The following GRIK2 variants were observed in gnomAD, a reference collection of about 807,000 sequenced individuals.
GRIK2 encodes the protein glutamate ionotropic receptor kainate type subunit 2, also known as glutamate receptor ionotropic, kainate 2.
A neutral mutation model predicts 100.3 loss-of-function variants in GRIK2; 32 were observed. The ratio of observed to expected loss-of-function variants is 0.32; its 90% CI spans 0.24 to 0.43. The LOEUF (loss-of-function observed/expected upper bound fraction) is 0.43, where lower values mean the gene tolerates loss of function less well. GRIK2 is among the 20% of genes least tolerant of loss of function. The pLI, the probability that GRIK2 is intolerant of heterozygous loss-of-function variation, is 1.00. For missense variants in GRIK2, 843 were observed against 1,114.9 expected (o/e 0.76, Z 3.47); for synonymous variants, 417 against 389.4 (o/e 1.07, Z -0.83).
chr6:101,400,662 AC>A (rs1562110766), intron 2 of GRIK2, among the ~76,000 whole-genome samples: 1 of 152,144 alleles, frequency 6.6e-6, no homozygotes, highest in Non-Finnish European at 1.5e-5. Context: ...TTTCCATTTT[AC>A]CATGTGTGTG....
At chr6:101,909,380 T>TTTTTG (rs1337762923) in intron 12 of GRIK2, among the ~76,000 whole-genome samples, 4 of 132,582 alleles carry the variant, frequency 3.0e-5, no homozygotes, top group Non-Finnish European at 6.3e-5. Context: ...GGTTTTCTTT[T>TTTTTG]TCTTTTTTTT....
Position 102,068,514 on chromosome 6 carries a change from C to T in GRIK2, c.*3C>T. On this transcript the variant is annotated 3_prime_UTR_variant, in exon 17 of 17. Coordinates refer to ENST00000369134, the MANE Select transcript of GRIK2 (RefSeq NM_021956.5). The stretch of plus-strand genomic sequence containing the variant: ...CAGGTAAAGAAACCATGGCATAAAG[C>T]TGGGAGGCCAAACACCCAAGCACAA... 6.2e-7 allele frequency: 1 copy of T among 1,609,744 alleles called. No individual in the cohort carries two copies. Among genetic ancestry groups the T allele is most frequent in the East Asian group, 2.2e-5 (1 of 44,660 alleles).
chr6:101,692,472 T>C (rs1254691518), intron 7 of GRIK2, among the ~76,000 whole-genome samples: 1 of 152,132 alleles, frequency 6.6e-6, no homozygotes, highest in Non-Finnish European at 1.5e-5. Flanking sequence ...CTCTATTTCA[T>C]CAAATAACTA....
rs548673706 is a variant in GRIK2 at position 101,658,568 on chromosome 6, C to A, written c.542-18055C>A. Among the ~76,000 whole-genome samples, 5 of 142,390 alleles carry A rather than the reference C, an allele frequency of 3.5e-5. No homozygotes were observed. In the East Asian group the frequency reaches 1.0e-3, roughly 29 times the overall value. 93.4% of individuals were successfully genotyped at this position (142,390 alleles called of 152,430 possible). ...ATTTATAATCCTTTGGGTATATACTCAGTAGTGGGATTGCTGGATCAAATG... is the reference window on the plus strand; with the variant it reads ...ATTTATAATCCTTTGGGTATATACTAAGTAGTGGGATTGCTGGATCAAATG... On this transcript the variant is annotated intron_variant, in intron 4 of 16. Transcript: ENST00000369134.
At chr6:101,712,860 C>T (rs1387446106) in intron 7 of GRIK2, among the ~76,000 whole-genome samples, 1 of 151,772 alleles carries the variant, frequency 6.6e-6, no homozygotes, top group Non-Finnish European at 1.5e-5. Flanking sequence ...CACACAAAGG[C>T]ACAATCACAT....
rs144528416 is a variant in GRIK2 at position 101,454,982 on chromosome 6, A to C, written c.115+55590A>C. 2.7e-4 allele frequency among the ~76,000 whole-genome samples: 41 copies of C among 152,272 alleles called. No individual in the cohort carries two copies. In the East Asian group the frequency reaches 7.3e-3, roughly 27 times the overall value. On this transcript the variant is annotated intron_variant, in intron 2 of 16. Coordinates refer to ENST00000369134, the MANE Select transcript of GRIK2 (RefSeq NM_021956.5). ...TGTTGTTTCTTTAATGTTTTAAAAA[A>C]CATAATCCTGAATTTTACCAGCAGT...
At chr6:102,064,290 T>C (rs1229993207) in intron 16 of GRIK2, among the ~76,000 whole-genome samples, 1 of 149,312 alleles carries the variant, frequency 6.7e-6, no homozygotes, top group Admixed American at 6.7e-5. Context: ...CTCTTCTCCT[T>C]CTCCTCCTTC....
chr6:101,793,223 C>A (rs560096627), intron 7 of GRIK2, among the ~76,000 whole-genome samples: 75 of 152,318 alleles, frequency 4.9e-4, no homozygotes, highest in African/African-American at 1.7e-3. Flanking sequence ...ACGTCATTCT[C>A]CATCCAGCTT....
At chr6:101,800,674 A>G (rs1353231536) in intron 8 of GRIK2, among the ~76,000 whole-genome samples, 2 of 152,076 alleles carry the variant, frequency 1.3e-5, no homozygotes, top group Non-Finnish European at 2.9e-5. Flanking sequence ...ATTCTTATCA[A>G]ACTCTCAGGT....
intron 10 of GRIK2, among the ~76,000 whole-genome samples, chr6:101,839,195 A>G (rs527673423): frequency 3.9e-4 from 60 of 152,278 alleles, no homozygotes; most frequent in Non-Finnish European, 6.3e-4. Flanking sequence ...CTGAATTTGT[A>G]TCTTTGCTCA....
intron 2 of GRIK2, among the ~76,000 whole-genome samples, chr6:101,621,255 C>T (rs1212570865): frequency 1.3e-5 from 2 of 152,088 alleles, no homozygotes; most frequent in Non-Finnish European, 2.9e-5. Context: ...GAGTTTGAGA[C>T]TAGCCTGGGC....
At chr6:101,508,086 T>A (rs1448440698) in intron 2 of GRIK2, among the ~76,000 whole-genome samples, 1 of 119,038 alleles carries the variant, frequency 8.4e-6, no homozygotes, top group Non-Finnish European at 1.7e-5. Context: ...CCTTACTGAT[T>A]ATTATTATTT....
intron 2 of GRIK2, among the ~76,000 whole-genome samples, chr6:101,599,659 G>C (rs1779105109): frequency 6.6e-6 from 1 of 151,678 alleles, no homozygotes; most frequent in African/African-American, 2.4e-5. Flanking sequence ...CTAATGATCA[G>C]TGATATTGAG....
intron 7 of GRIK2, among the ~76,000 whole-genome samples, chr6:101,789,932 A>C (rs1391292194): frequency 1.3e-5 from 2 of 152,068 alleles, no homozygotes; most frequent in Admixed American, 1.3e-4. Context: ...GTCCCTTGTA[A>C]GTTGGATTCC....
chr6:101,426,060 G>T (rs1334560392), intron 2 of GRIK2, among the ~76,000 whole-genome samples: 1 of 152,118 alleles, frequency 6.6e-6, no homozygotes, highest in Non-Finnish European at 1.5e-5. Flanking sequence ...CTATTGAGAG[G>T]TGGCCATATT....
intron 11 of GRIK2, among the ~76,000 whole-genome samples, chr6:101,887,739 G>GAAGGGAGAAGTGCT (rs1430621891): frequency 6.6e-6 from 1 of 152,082 alleles, no homozygotes; most frequent in Non-Finnish European, 1.5e-5. Flanking sequence ...GGGGAAGGGG[G>GAAGGGAGAAGTGCT]AAGGGAGAAG....
At chr6:101,919,503 C>T (rs1194404125) in intron 12 of GRIK2, among the ~76,000 whole-genome samples, 2 of 151,670 alleles carry the variant, frequency 1.3e-5, no homozygotes, top group African/African-American at 4.8e-5. Context: ...CAATTTTAAA[C>T]ATTTTAAGCA....
At chr6:101,744,527 T>C (rs1414078514) in intron 7 of GRIK2, 1 of 69,160 alleles carries the variant, frequency 1.4e-5, no homozygotes, top group African/African-American at 8.5e-5. Context: ...TGCGCGCATA[T>C]ATATATATAT....
At chr6:102,019,942 A>G (rs1769337428) in intron 14 of GRIK2, among the ~76,000 whole-genome samples, 1 of 152,016 alleles carries the variant, frequency 6.6e-6, no homozygotes, top group Admixed American at 6.6e-5. Context: ...ATTTATCATC[A>G]TATTACCCAT....
Sources: allele counts gnomAD v4.1 joint callset (sites outside exome capture counted in the v4.1 genomes callset), GRCh38; gene constraint gnomAD v4.1.1; transcripts MANE v1.5; gene names NCBI Gene and HGNC (gene_info 2026-07-23, HGNC 2026-07-21).